VWA3B: variants seen among roughly 807,000 people sequenced by gnomAD.
VWA3B encodes the protein von Willebrand factor A domain-containing protein 3B.
A neutral mutation model predicts 158.3 loss-of-function variants in VWA3B; 138 were observed. The ratio of observed to expected loss-of-function variants is 0.87; its 90% CI spans 0.76 to 1.00. The LOEUF (loss-of-function observed/expected upper bound fraction) is 1.00, where lower values mean the gene tolerates loss of function less well. Among genes scored for constraint, VWA3B ranks in the 50% least tolerant of loss-of-function variants. The pLI, the probability that VWA3B is intolerant of heterozygous loss-of-function variation, is 0.00. For synonymous variants in VWA3B, 596 were observed against 587.3 expected (o/e 1.01, Z -0.21); for missense variants, 1,555 against 1,565.1 (o/e 0.99, Z 0.11).
chr2:98,187,128 ACT>A (rs1382074911), intron 9 of VWA3B, among the ~76,000 whole-genome samples: 1 of 151,608 alleles, frequency 6.6e-6, no homozygotes, highest in East Asian at 1.9e-4. Flanking sequence ...CTCCTAGCTC[ACT>A]GTCTCTGGGA....
chr2:98,203,342 A>G (rs1682744757), intron 12 of VWA3B, among the ~76,000 whole-genome samples: 1 of 152,248 alleles, frequency 6.6e-6, no homozygotes, highest in African/African-American at 2.4e-5. Context: ...ATAGCTGTAT[A>G]GTGAGCTTTA....
At chr2:98,309,198 G>A (rs1690729906) in intron 26 of VWA3B, among the ~76,000 whole-genome samples, 1 of 151,324 alleles carries the variant, frequency 6.6e-6, no homozygotes, top group Admixed American at 6.6e-5. Flanking sequence ...AGAAAAAAAA[G>A]CCTTTTTAGA....
chr2:98,098,947 TAAC>T (rs772022141), intron 2 of VWA3B, among the ~76,000 whole-genome samples: 29 of 152,166 alleles, frequency 1.9e-4, no homozygotes, highest in Non-Finnish European at 3.5e-4. Context: ...TTTAAGCTGA[TAAC>T]AAGTTAATTT....
chr2:98,106,157 C>T (rs1051133383), intron 2 of VWA3B, among the ~76,000 whole-genome samples: 10 of 152,106 alleles, frequency 6.6e-5, no homozygotes, highest in Admixed American at 3.3e-4. Flanking sequence ...CCTCATGATC[C>T]GCCCACCTCG....
At chr2:98,120,298 A>G (rs1441844381) in intron 4 of VWA3B, among the ~76,000 whole-genome samples, 1 of 152,196 alleles carries the variant, frequency 6.6e-6, no homozygotes, top group Non-Finnish European at 1.5e-5. Flanking sequence ...CTTAGCATTA[A>G]CTTCTCATCT....
rs539313105 is a variant in VWA3B at position 98,151,955 on chromosome 2, A to G, written c.989-10896A>G. Among the ~76,000 whole-genome samples, 5 of 152,362 alleles carry G rather than the reference A, an allele frequency of 3.3e-5. No individual in the cohort carries two copies. The East Asian group carries it at 9.6e-4, about 29-fold the overall frequency. On this transcript the variant is annotated intron_variant, in intron 7 of 27. Coordinates refer to ENST00000477737, the MANE Select transcript of VWA3B (RefSeq NM_144992.5). ...AAAGGATTTGGCAGCCTGTGTCACA[A>G]AGAGCATTTTTCTAATGGTCATGGT... is the stretch of plus-strand genomic sequence containing the variant.
chr2:98,208,288 C>T (rs1014720533), intron 12 of VWA3B, among the ~76,000 whole-genome samples: 5 of 151,880 alleles, frequency 3.3e-5, no homozygotes, highest in Admixed American at 1.3e-4. Flanking sequence ...CAGCATAAAT[C>T]GGGTCATGTT....
In VWA3B at chr2:98,268,862, A is replaced by G. The variant is rs146636281; in HGVS notation, c.2844-1820A>G. 8.3e-3 allele frequency among the ~76,000 whole-genome samples: 1,258 copies of G among 152,212 alleles called. 14 individuals are homozygous for G. The highest frequency in any genetic ancestry group is 0.016 in the South Asian group (79 of 4,828). On this transcript the variant is annotated intron_variant, in intron 21 of 27. Coordinates refer to ENST00000477737, the MANE Select transcript of VWA3B (RefSeq NM_144992.5). ...TTTGGAGCGTAAGTCAAATGGTTTA[A>G]AGTAATCCTGTAACATACCTAAAGA...
In VWA3B at chr2:98,115,660, G is replaced by A; in HGVS notation, c.205G>A (p.Ala69Thr). Residue 69 changes from alanine (A) to threonine (T), a missense_variant, in exon 3 of 28, where the codon GCG (alanine) becomes ACG (threonine). By Grantham distance (58) the Ala-to-Thr change is moderately conservative (BLOSUM62 0). Transcript: ENST00000477737. ...TCTTTATAAAAATGCAGATTATGTG[G>A]CGTCTCTGGGGAGACCTGTGGCTTC... ...IGFPHCEDYV[A>T]SLGRPVASRY... The A allele has an allele frequency of 1.2e-6, 2 of 1,613,420 alleles. No homozygotes were observed. Among genetic ancestry groups the A allele is most frequent in the South Asian group, 1.1e-5 (1 of 91,052 alleles).
At chr2:98,228,141 T>G (rs1243824609) in intron 14 of VWA3B, 61 bp from the exon 15 acceptor site, 4 of 1,502,694 alleles carry the variant, frequency 2.7e-6, no homozygotes, top group Non-Finnish European at 2.7e-6. Flanking sequence ...AAAAGAAACA[T>G]GTTTGGAATT....
At chr2:98,325,337 A>G in the VWA3B span, among the ~76,000 whole-genome samples, 156 of 152,258 alleles carry the variant, frequency 1.0e-3, no homozygotes, top group African/African-American at 3.0e-3. Context: ...GCTTTTCATC[A>G]GCACCTATAA....
At chr2:98,317,832 T>C (rs935870428), downstream of VWA3B, among the ~76,000 whole-genome samples, 1 of 152,260 alleles carries the variant, frequency 6.6e-6, no homozygotes, top group African/African-American at 2.4e-5. Context: ...TGGTCACTCA[T>C]ATTTGGCTCA....
chr2:98,163,702 A>G (rs1678837630), intron 8 of VWA3B, among the ~76,000 whole-genome samples: 2 of 152,124 alleles, frequency 1.3e-5, no homozygotes, highest in Non-Finnish European at 2.9e-5. Context: ...GTGGATGGAA[A>G]ATTATTAAGA....
chr2:98,301,320 A>C lies in VWA3B; in HGVS notation c.3420+1104A>C, dbSNP rs368828188. Among the ~76,000 whole-genome samples the C allele has an allele frequency of 1.1e-4, 16 of 152,184 alleles. No homozygotes were observed. The East Asian group carries it at 2.9e-3, about 28-fold the overall frequency. On this transcript the variant is annotated intron_variant, in intron 25 of 27. Transcript: ENST00000477737. ...AACAAAAAAACAAAACAAAAAAAAA[A>C]ACCTGTGTTTGAATTATATGAACAT...
At chr2:98,250,517 CTT>C (rs370926569) in intron 20 of VWA3B, 81 bp downstream of exon 20, 21,686 of 842,164 alleles carry the variant, frequency 0.026, no homozygotes, top group South Asian at 0.038. Flanking sequence ...TTTAGCTTAG[CTT>C]TTTTTTTTTT....
intron 3 of VWA3B, among the ~76,000 whole-genome samples, chr2:98,116,356 AT>A (rs918491764): frequency 4.7e-4 from 69 of 147,934 alleles, no homozygotes; most frequent in East Asian, 9.9e-4. Flanking sequence ...TTATTGGTAA[AT>A]TTTTTTTTTT....
chr2:98,218,792 ACTAC>A (rs1266255545), intron 14 of VWA3B, among the ~76,000 whole-genome samples: 1 of 152,218 alleles, frequency 6.6e-6, no homozygotes, highest in African/African-American at 2.4e-5. Flanking sequence ...ATGTGAGTGA[ACTAC>A]CTGAGACTAG....
At chr2:98,272,925 G>A (rs557441023) in intron 22 of VWA3B, among the ~76,000 whole-genome samples, 2 of 152,262 alleles carry the variant, frequency 1.3e-5, no homozygotes, top group African/African-American at 4.8e-5. Flanking sequence ...CCCATGTGAT[G>A]CCTTTTGCCA....
At chr2:98,279,853 T>G (rs752771332) in intron 22 of VWA3B, among the ~76,000 whole-genome samples, 5 of 150,088 alleles carry the variant, frequency 3.3e-5, no homozygotes, top group Non-Finnish European at 7.4e-5. Context: ...CCTCTGGGGG[T>G]ACAGAGCAGG....
Sources: gnomAD v4.1 joint callset for allele counts (sites outside exome capture counted in the v4.1 genomes callset) on GRCh38, gnomAD v4.1.1 for gene constraint, MANE v1.5 for transcripts, NCBI Gene and HGNC (gene_info 2026-07-23, HGNC 2026-07-21) for gene names.